EDA: variants seen among roughly 807,000 people sequenced by gnomAD.
EDA encodes the protein ectodysplasin-A.
In EDA, 2 loss-of-function variants were observed where a neutral mutation model predicts 23.6. The ratio of observed to expected loss-of-function variants is 0.08; its 90% confidence interval spans 0.03 to 0.27. The LOEUF is 0.27. EDA is among the 10% of genes least tolerant of loss of function. EDA has a pLI of 1.00. For synonymous variants in EDA, 131 were observed against 132.0 expected (o/e 0.99, Z 0.05); for missense variants, 229 against 324.2 (o/e 0.71, Z 2.26).
intron 1 of EDA, among the ~76,000 whole-genome samples, chrX:69,821,904 A>G (rs1430059380): frequency 8.9e-6 from 1 of 112,069 alleles, no homozygotes; most frequent in Non-Finnish European, 1.9e-5. Context: ...TTGTGCCACC[A>G]TCACTACCAT....
chrX:69,702,956 T>G (rs933525957), intron 1 of EDA, among the ~76,000 whole-genome samples: 1 of 110,336 alleles, frequency 9.1e-6, no homozygotes, highest in South Asian at 3.9e-4. Context: ...TTTGCAAGTT[T>G]TTTTTTTTTT....
intron 1 of EDA, among the ~76,000 whole-genome samples, chrX:69,849,126 CACACACAT>C (rs1201152204): frequency 2.1e-3 from 205 of 96,831 alleles, no homozygotes; most frequent in Middle Eastern, 1.0e-2. Context: ...CACACACACA[CACACACAT>C]ACATATTATT....
At chrX:69,955,997 C>T (rs770392638) in intron 1 of EDA, among the ~76,000 whole-genome samples, 1 of 112,158 alleles carries the variant, frequency 8.9e-6, no homozygotes, top group African/African-American at 3.2e-5. Context: ...ACATATGAAA[C>T]ATATTGTATT....
At chrX:69,846,271 C>T (rs781176962) in intron 1 of EDA, among the ~76,000 whole-genome samples, 2 of 111,094 alleles carry the variant, frequency 1.8e-5, no homozygotes, top group African/African-American at 3.3e-5. Flanking sequence ...TTCTTCGTGT[C>T]GTTTTTTGTT....
At chrX:69,700,983 C>T (rs1028512796) in intron 1 of EDA, among the ~76,000 whole-genome samples, 3 of 110,684 alleles carry the variant, frequency 2.7e-5, no homozygotes, top group Non-Finnish European at 5.7e-5. Flanking sequence ...AAAAGGTGTG[C>T]GGGGAGCAGA....
At chrX:69,804,328 T>C (rs1011696026) in intron 1 of EDA, among the ~76,000 whole-genome samples, 7 of 111,617 alleles carry the variant, frequency 6.3e-5, no homozygotes, top group Non-Finnish European at 1.1e-4. Context: ...ATTTCTTCAA[T>C]AGAAAGTAGA....
At chrX:69,681,227 C>T (rs1475103382) in intron 1 of EDA, among the ~76,000 whole-genome samples, 10 of 110,475 alleles carry the variant, frequency 9.1e-5, no homozygotes, top group South Asian at 3.9e-4. Context: ...GAGGGTAACC[C>T]GACCTTTCTC....
At chrX:69,824,817 A>T (rs2016361055) in intron 1 of EDA, among the ~76,000 whole-genome samples, 1 of 58,030 alleles carries the variant, frequency 1.7e-5, no homozygotes, top group Non-Finnish European at 2.8e-5. Context: ...CCCATTCAGT[A>T]TGATATTGGC....
At chrX:69,784,924 G>A (rs950633628) in intron 1 of EDA, among the ~76,000 whole-genome samples, 1 of 111,284 alleles carries the variant, frequency 9.0e-6, no homozygotes, top group Non-Finnish European at 1.9e-5. Context: ...CTACCCATGA[G>A]CATGGAATGT....
At chrX:69,637,300 A>G (rs1932788456) in intron 1 of EDA, among the ~76,000 whole-genome samples, 2 of 111,488 alleles carry the variant, frequency 1.8e-5, no homozygotes, top group South Asian at 3.8e-4. Flanking sequence ...GTCATTCCCC[A>G]GAGAACTGAG....
intron 1 of EDA, among the ~76,000 whole-genome samples, chrX:69,873,896 A>G (rs2017603600): frequency 8.9e-6 from 1 of 112,137 alleles, no homozygotes; most frequent in Admixed American, 9.4e-5. Context: ...CTACAGACCA[A>G]TATCCCTGAT....
At chrX:69,883,887 G>A (rs34956378) in intron 1 of EDA, among the ~76,000 whole-genome samples, 11,822 of 109,273 alleles carry the variant, frequency 0.11, 677 homozygotes, top group Non-Finnish European at 0.16. Context: ...ACTTGAGCCC[G>A]GGAGTTTGAG....
chrX:69,811,597 C>T (rs182316447), intron 1 of EDA, among the ~76,000 whole-genome samples: 3 of 111,572 alleles, frequency 2.7e-5, no homozygotes. Flanking sequence ...CTAACATCCT[C>T]CTCACGGTGC....
chrX:69,802,137 T>G (rs893001393), intron 1 of EDA, among the ~76,000 whole-genome samples: 1 of 110,392 alleles, frequency 9.1e-6, no homozygotes, highest in Non-Finnish European at 1.9e-5. Context: ...ATAAATAAAT[T>G]ATGGTATATT....
chrX:69,764,103 G>A (rs921021425), intron 1 of EDA, among the ~76,000 whole-genome samples: 2 of 109,310 alleles, frequency 1.8e-5, no homozygotes, highest in Non-Finnish European at 3.8e-5. Flanking sequence ...AAAGGAAAGT[G>A]TATATGCCTC....
chrX:69,860,987 C>T lies in EDA; in HGVS notation c.397-96040C>T, dbSNP rs2147595312. ...CACCTGGCGTCATCTAGTCAGCCAT[C>T]TTCAATAATAACTGTTAAATGAACA... On this transcript the variant is annotated intron_variant, in intron 1 of 7. Coordinates refer to ENST00000374552, the MANE Select transcript of EDA (RefSeq NM_001399.5). 5.9e-6 allele frequency: 3 copies of T among 510,023 alleles called. No individual in the cohort carries two copies. The East Asian group carries it at 1.1e-4, about 19-fold the overall frequency. The allele number at this position is 510,023 out of a possible 1,213,427, so 42.0% of individuals were successfully genotyped here.
At chrX:69,730,505 A>T (rs2012981558) in intron 1 of EDA, among the ~76,000 whole-genome samples, 1 of 112,010 alleles carries the variant, frequency 8.9e-6, no homozygotes, top group Non-Finnish European at 1.9e-5. Flanking sequence ...GACAGCTAAG[A>T]TGTGAATGGA....
chrX:70,039,289 G>A lies in EDA; in HGVS notation c.*3680G>A, dbSNP rs1488237107. The stretch of plus-strand genomic sequence containing the variant: ...TTTCTATATTCCTCCAGCTGGGATT[G>A]GGGGGTGGGCTTTGTTGTGAGAATG... On this transcript the variant is annotated 3_prime_UTR_variant, in exon 8 of 8. Coordinates refer to ENST00000374552, the MANE Select transcript of EDA (RefSeq NM_001399.5). The A allele has an allele frequency of 3.6e-5, 4 of 111,917 alleles. No homozygotes were observed. The highest frequency in any genetic ancestry group is 1.3e-4 in the African/African-American group (4 of 30,686). 9.2% of individuals were successfully genotyped at this position (111,917 alleles called of 1,213,427 possible). A position where few individuals can be genotyped will look rare whatever the true frequency, so the allele number is the denominator to read the frequency against.
At chrX:69,618,314 T>TA (rs903111834) in intron 1 of EDA, among the ~76,000 whole-genome samples, 8 of 112,420 alleles carry the variant, frequency 7.1e-5, no homozygotes, top group Non-Finnish European at 1.5e-4. Flanking sequence ...ATGAAACTCT[T>TA]ACAGGTGTAT....
Sources: allele counts gnomAD v4.1 joint callset (sites outside exome capture counted in the v4.1 genomes callset), GRCh38; gene constraint gnomAD v4.1.1; transcripts MANE v1.5; gene names NCBI Gene and HGNC (gene_info 2026-07-23, HGNC 2026-07-21).